The following FLNC variants were observed in gnomAD, a reference collection of about 807,000 sequenced individuals.
FLNC encodes the protein filamin C.
A neutral mutation model predicts 254.3 loss-of-function variants in FLNC; 91 were observed. The ratio of observed to expected loss-of-function variants is 0.36; its 90% CI spans 0.30 to 0.43. The LOEUF is 0.43. FLNC is among the 20% of genes least tolerant of loss of function. The probability of loss-of-function intolerance (pLI) is 1.00; values close to 1 mark genes in which losing one functional copy is unlikely to be tolerated. For synonymous variants in FLNC, 1,430 were observed against 1,577.2 expected (o/e 0.91, Z 2.21); for missense variants, 2,853 against 3,802.6 (o/e 0.75, Z 6.57).
At chr7:128,833,959 A>G (rs1431777221) in intron 1 of FLNC, among the ~76,000 whole-genome samples, 1 of 152,166 alleles carries the variant, frequency 6.6e-6, no homozygotes, top group African/African-American at 2.4e-5. Context: ...CCAGAGGGAC[A>G]GGGAGACTGA....
chr7:128,835,617 A>G lies in FLNC; in HGVS notation c.601+43A>G. 1 of 1,602,712 alleles carries G rather than the reference A, an allele frequency of 6.2e-7. No individual in the cohort carries two copies. Among genetic ancestry groups the G allele is most frequent in the Middle Eastern group, 1.7e-4 (1 of 6,024 alleles). ...CACAGCATGGAGCCCTTAGCTCCCAAAGACAGAGGGGACAAGCTGGGGCTG... is the reference window on the plus strand; with the variant it reads ...CACAGCATGGAGCCCTTAGCTCCCAGAGACAGAGGGGACAAGCTGGGGCTG... On this transcript the variant is annotated intron_variant, in intron 2 of 47. Coordinates refer to ENST00000325888, the MANE Select transcript of FLNC (RefSeq NM_001458.5). This position sits in a 1 kb window ranked among gnomAD's most constrained non-coding sequence, Gnocchi z 5.3.
rs376490644 is a variant in FLNC at position 128,830,602 on chromosome 7, G to T, written c.-36G>T. ...ACAGCCCCCGATAGCCCAAACCGCG[G>T]CCCTAGCCCCGGCCGCACCCCCAGC... On this transcript the variant is annotated 5_prime_UTR_variant, in exon 1 of 48. Coordinates refer to ENST00000325888, the MANE Select transcript of FLNC (RefSeq NM_001458.5). 7.3e-5 allele frequency: 116 copies of T among 1,596,914 alleles called. 1 individual carries two copies. The African/African-American group carries it at 1.3e-3, about 18-fold the overall frequency.
At chr7:128,853,691 A>C in intron 38 of FLNC, 24 bp from the exon 39 acceptor site, 2 of 1,613,858 alleles carry the variant, frequency 1.2e-6, no homozygotes, top group Non-Finnish European at 1.7e-6. Context: ...GAGGTTCCTG[A>C]CCCACCCTTT....
rs369449907 is a variant in FLNC, at chr7:128,851,531, C to G, written c.5745C>G (p.Thr1915=). Residue 1915 remains threonine (T), a synonymous_variant, in exon 35 of 48, where the codon ACC becomes ACG. Coordinates refer to ENST00000325888, the MANE Select transcript of FLNC (RefSeq NM_001458.5). The part of the protein sequence containing the change: ...TCKDNKDGTC[T]VSYLPTAPGD... ...AGGACAACAAGGATGGCACCTGCAC[C>G]GTGTCCTATCTGCCGACTGCGCCTG... The G allele has an allele frequency of 1.9e-6, 3 of 1,613,958 alleles. No individual in the cohort carries two copies. The highest frequency in any genetic ancestry group is 2.5e-6 in the Non-Finnish European group (3 of 1,180,036).
intron 37 of FLNC, 35 bp from the exon 38 acceptor site, chr7:128,853,434 G>C: frequency 6.2e-7 from 1 of 1,612,370 alleles, no homozygotes; most frequent in South Asian, 1.1e-5. Context: ...GGCCAGCCTA[G>C]GACTGAGGGA....
Position 128,835,713 on chromosome 7 carries a change from C to T in FLNC, c.601+139C>T, listed in dbSNP as rs956511845. 3 of 956,304 alleles carry T rather than the reference C, an allele frequency of 3.1e-6. No individual in the cohort carries two copies. The highest frequency in any genetic ancestry group is 1.6e-5 in the African/African-American group (1 of 61,654). 59.2% of individuals were successfully genotyped at this position (956,304 alleles called of 1,614,324 possible). The stretch of plus-strand genomic sequence containing the variant: ...CAGGATCCCCTGCAGGGTTTGTCCT[C>T]CTCCAGCTGTGGCTCTCCGCTGGCT... On this transcript the variant is annotated intron_variant, in intron 2 of 47. Transcript: ENST00000325888. This position sits in a 1 kb window ranked among gnomAD's most constrained non-coding sequence, Gnocchi z 5.3.
In FLNC at chr7:128,846,002, A is replaced by T. The variant is rs1585161164; in HGVS notation, c.3803A>T (p.Glu1268Val). Residue 1268 changes from glutamate (E) to valine (V), a missense_variant, in exon 22 of 48, where the codon GAG becomes GTG. Transcript: ENST00000325888. The part of the protein sequence containing the change: ...PGVEPHGVLR[E>V]VTTEFTVDAR... ...CCCTGGGCTCCAGGTGTCCTGCGGG[A>T]GGTGACCACTGAGTTCACTGTGGAT... The T allele has an allele frequency of 6.2e-7, 1 of 1,613,588 alleles. No homozygotes were observed. Among genetic ancestry groups the T allele is most frequent in the Non-Finnish European group, 8.5e-7 (1 of 1,179,984 alleles).
chr7:128,847,670 C>G (rs769980283), intron 24 of FLNC, 27 bp from the exon 25 acceptor site: 1 of 1,613,548 alleles, frequency 6.2e-7, no homozygotes. Context: ...GGCTGGTGGG[C>G]AGGGTCTAAT....
Position 128,851,554 on chromosome 7 carries a change from C to T in FLNC, c.5768C>T (p.Pro1923Leu). Residue 1923 changes from proline to leucine, a missense_variant, in exon 35 of 48, where the codon CCT (proline) becomes CTT (leucine). Around this residue, in one of 10 missense-constraint regions of FLNC, gnomAD observed 551 missense variants for 835.0 expected, o/e 0.66. Coordinates refer to ENST00000325888, the MANE Select transcript of FLNC (RefSeq NM_001458.5). ...TCTVSYLPTA[P>L]GDYSIIVRFD... The stretch of plus-strand genomic sequence containing the variant: ...ACCGTGTCCTATCTGCCGACTGCGC[C>T]TGGAGACTACAGCATCATCGTGCGC... The T allele has an allele frequency of 1.2e-6, 2 of 1,614,002 alleles. No homozygotes were observed. The highest frequency in any genetic ancestry group is 1.7e-6 in the Non-Finnish European group (2 of 1,180,042).
rs75871448 is a variant in FLNC, at chr7:128,855,515, C to T, written c.7251+201C>T. On this transcript the variant is annotated intron_variant, in intron 43 of 47. Coordinates refer to ENST00000325888, the MANE Select transcript of FLNC (RefSeq NM_001458.5). Reference sequence around the variant, plus strand: ...GGCTTGCCCGTGCACTCAGGCATGCCACGCCTCGTTCTGCCTTTCTCAGGG... The same window carrying T: ...GGCTTGCCCGTGCACTCAGGCATGCTACGCCTCGTTCTGCCTTTCTCAGGG... Among the ~76,000 whole-genome samples, 7,020 of 152,328 alleles carry T rather than the reference C, an allele frequency of 0.046. 580 individuals are homozygous for T. Among genetic ancestry groups the T allele is most frequent in the African/African-American group, 0.16 (6,620 of 41,544 alleles).
At chr7:128,832,688 A>T (rs1807940996) in intron 1 of FLNC, among the ~76,000 whole-genome samples, 2 of 152,178 alleles carry the variant, frequency 1.3e-5, no homozygotes, top group Admixed American at 6.5e-5. Flanking sequence ...GGTGGGAGGG[A>T]AGCTCCCTGG....
rs199519281 is a variant in FLNC at position 128,857,213 on chromosome 7, C to T, written c.7657C>T (p.Arg2553Trp). The change falls in exon 46 of 48, where the codon CGG becomes TGG. Residue 2553 changes from arginine (R) to tryptophan (W), a missense_variant. Coordinates refer to ENST00000325888, the MANE Select transcript of FLNC (RefSeq NM_001458.5). This position sits in a 1 kb window ranked among gnomAD's most constrained non-coding sequence, Gnocchi z 4.5. Reference protein sequence around the residue: ...DGPSKVQLDCRECPEGHVVTY... With the variant: ...DGPSKVQLDCWECPEGHVVTY... ...CCCCTCCAAGGTGCAGCTGGACTGT[C>T]GGGAGTGTCCTGAGGGCCATGTGGT... 110 of 1,610,372 alleles carry T rather than the reference C, an allele frequency of 6.8e-5. No homozygotes were observed. The highest frequency in any genetic ancestry group is 1.6e-4 in the Middle Eastern group (1 of 6,062).
chr7:128,832,315 CAG>C (rs1206994542), intron 1 of FLNC, among the ~76,000 whole-genome samples: 1 of 152,070 alleles, frequency 6.6e-6, no homozygotes, highest in African/African-American at 2.4e-5. Flanking sequence ...AGGCTGAGGG[CAG>C]GGGGTGGGGG....
In FLNC at chr7:128,842,234, G is replaced by A. The variant is rs192725607; in HGVS notation, c.2125G>A (p.Ala709Thr). 5.9e-4 allele frequency: 960 copies of A among 1,613,610 alleles called. 4 individuals carry two copies. Among genetic ancestry groups the A allele is most frequent in the Admixed American group, 3.3e-3 (196 of 60,016 alleles). Residue 709 changes from alanine (A) to threonine (T), a missense_variant, in exon 14 of 48, where the codon GCC becomes ACC. This residue lies in a region of FLNC where 1,573 missense variants were observed against 1,883.5 expected (regional missense o/e 0.84). Transcript: ENST00000325888. The surrounding 1 kb of genome is among the most constrained non-coding windows in gnomAD (Gnocchi z 5.4). ...TTTGCTTGGGTGATGCCCACAGGAC[G>A]CCGACGGCTGTCCCATCGACATCAA... is the stretch of plus-strand genomic sequence containing the variant. ...KGDLKLYAQD[A>T]DGCPIDIKVI...
chr7:128,844,061 A>G lies in FLNC; in HGVS notation c.2987A>G (p.Gln996Arg), dbSNP rs1391670443. ...FSVNTRGAGG[Q>R]GQLDVRMTSP... is the part of the protein sequence containing the mutation. ...GTGAACACACGAGGGGCTGGCGGTC[A>G]GGGCCAACTGGATGTGCGGATGACT... The change falls in exon 20 of 48, where the codon CAG becomes CGG. Residue 996 changes from glutamine (Q) to arginine (R), a missense_variant. Physicochemically the swap from Gln to Arg is conservative, Grantham distance 43. This residue lies in a region of FLNC where 1,573 missense variants were observed against 1,883.5 expected (regional missense o/e 0.84). Coordinates refer to ENST00000325888, the MANE Select transcript of FLNC (RefSeq NM_001458.5). The G allele has an allele frequency of 1.9e-6, 3 of 1,614,070 alleles. No homozygotes were observed.
chr7:128,854,475 G>C lies in FLNC; in HGVS notation c.6790G>C (p.Ala2264Pro). The C allele has an allele frequency of 6.2e-7, 1 of 1,608,330 alleles. No individual in the cohort carries two copies. The highest frequency in any genetic ancestry group is 1.7e-4 in the Middle Eastern group (1 of 5,904). The change falls in exon 41 of 48, where the codon GCA (alanine) becomes CCA (proline). Residue 2264 changes from alanine to proline, a missense_variant. Ala to Pro is a conservative substitution (Grantham distance 27, BLOSUM62 -1). Around this residue, in one of 10 missense-constraint regions of FLNC, gnomAD observed 551 missense variants for 835.0 expected, o/e 0.66. Coordinates refer to ENST00000325888, the MANE Select transcript of FLNC (RefSeq NM_001458.5). ...VTSPSGKVEA[A>P]EIVEGEDSAY... ...CAGCCCATCGGGCAAGGTGGAAGCC[G>C]CAGAGATCGTCGAGGGCGAGGACAG...
rs1808375707 is a variant in FLNC at position 128,842,489 on chromosome 7, G to A, written c.2266-86G>A. The A allele has an allele frequency of 2.5e-6, 4 of 1,573,226 alleles. No individual in the cohort carries two copies. The highest frequency in any genetic ancestry group is 4.7e-5 in the East Asian group (2 of 42,668). On this transcript the variant is annotated intron_variant, in intron 14 of 47. Coordinates refer to ENST00000325888, the MANE Select transcript of FLNC (RefSeq NM_001458.5). This position sits in a 1 kb window ranked among gnomAD's most constrained non-coding sequence, Gnocchi z 5.4. ...CAGGCTGGGACTGAGGCTTGGGCTG[G>A]TGCCACTGAGGCTGGGCCGGGTGCG... is the stretch of plus-strand genomic sequence containing the variant.
At position 128,843,926 on chromosome 7, in the gene FLNC, A is replaced by G. The variant is rs1204964791; in HGVS notation, c.2929+13A>G. 1.2e-6 allele frequency: 2 copies of G among 1,613,950 alleles called. No homozygotes were observed. The highest frequency in any genetic ancestry group is 1.7e-6 in the Non-Finnish European group (2 of 1,179,966). ...GGCCTTAATAGCAGTAAGTGGGGCA[A>G]GAGCCACCCTGGGAGTGAGGGGTAT... On this transcript the variant is annotated intron_variant, in intron 19 of 47. Coordinates refer to ENST00000325888, the MANE Select transcript of FLNC (RefSeq NM_001458.5).
In FLNC at chr7:128,852,581, C is replaced by A; in HGVS notation, c.5843-10C>A. The A allele has an allele frequency of 1.2e-6, 2 of 1,613,182 alleles. No individual in the cohort carries two copies. The highest frequency in any genetic ancestry group is 2.2e-5 in the East Asian group (1 of 44,876). On this transcript the variant is annotated splice_polypyrimidine_tract_variant and intron_variant, in intron 35 of 47. Coordinates refer to ENST00000325888, the MANE Select transcript of FLNC (RefSeq NM_001458.5). ...GTCATAGCAGCCTGATGCCCCAACT[C>A]CCCCACCAGGTGATGACTCCATGAG...
Sources: gnomAD v4.1 joint callset for allele counts (sites outside exome capture counted in the v4.1 genomes callset) on GRCh38, gnomAD v4.1.1 for gene constraint, gnomAD v4.1.1 regional missense constraint, Gnocchi (gnomAD v3.1) non-coding constraint, MANE v1.5 for transcripts, NCBI Gene and HGNC (gene_info 2026-07-23, HGNC 2026-07-21) for gene names.